ARMH3: variants seen among roughly 807,000 people sequenced by gnomAD.
ARMH3 encodes the protein armadillo like helical domain containing 3, also known as armadillo-like helical domain-containing protein 3.
ARMH3 carries 60 observed loss-of-function variants against 99.1 expected under a neutral mutation model. That is an observed-to-expected ratio of 0.61 (90% CI 0.49 to 0.75). The LOEUF is 0.75. Ranked by LOEUF, ARMH3 falls within the 30% of genes least tolerant of loss-of-function variation. The pLI is 0.00. For synonymous variants in ARMH3, 285 were observed against 292.8 expected (o/e 0.97, Z 0.27); for missense variants, 679 against 843.1 (o/e 0.81, Z 2.41).
At chr10:102,041,075 CATATATATATATATAATATATATATAT>C (rs199540605) in intron 1 of ARMH3, among the ~76,000 whole-genome samples, 40 of 132,008 alleles carry the variant, frequency 3.0e-4, no homozygotes, top group Middle Eastern at 4.1e-3. Flanking sequence ...ATTGTGTGTA[CATATATATATATATAATATATATATAT>C]ATATATATAT....
chr10:101,888,683 G>C (rs1008334774), intron 24 of ARMH3, among the ~76,000 whole-genome samples: 1 of 152,184 alleles, frequency 6.6e-6, no homozygotes, highest in African/African-American at 2.4e-5. Flanking sequence ...TCCAATTTGG[G>C]AGTAGGATGA....
rs534271280 is a variant in ARMH3 at position 101,917,494 on chromosome 10, C to T, written c.1781+22369G>A. On this transcript the variant is annotated intron_variant, in intron 23 of 25. Coordinates refer to ENST00000370033, the MANE Select transcript of ARMH3 (RefSeq NM_024541.3). ...TAGATGTACCATAGTTTATCTGTTC[C>T]GCCGTTGAGAGACACTTGGGTTGTC... Among the ~76,000 whole-genome samples the T allele has an allele frequency of 2.6e-4, 40 of 152,208 alleles. No individual in the cohort carries two copies. The Middle Eastern group carries it at 0.01, about 39-fold the overall frequency.
intron 16 of ARMH3, among the ~76,000 whole-genome samples, chr10:101,993,941 T>G (rs1846936022): frequency 6.6e-6 from 1 of 152,218 alleles, no homozygotes; most frequent in South Asian, 2.1e-4. Context: ...TGGCTCTGTT[T>G]GTGATAGTTT....
intron 22 of ARMH3, among the ~76,000 whole-genome samples, chr10:101,949,386 T>G (rs1388776837): frequency 1.3e-5 from 2 of 149,684 alleles, no homozygotes; most frequent in Middle Eastern, 3.5e-3. Context: ...ATTACCAATA[T>G]AGGGAATGAA....
intron 23 of ARMH3, among the ~76,000 whole-genome samples, chr10:101,936,267 G>A (rs1183566494): frequency 6.6e-6 from 1 of 152,030 alleles, no homozygotes; most frequent in Non-Finnish European, 1.5e-5. Flanking sequence ...GCCGAGGTGG[G>A]TGGATCACGA....
At chr10:101,901,356 G>A (rs185297931) in intron 23 of ARMH3, among the ~76,000 whole-genome samples, 1 of 152,050 alleles carries the variant, frequency 6.6e-6, no homozygotes, top group Admixed American at 6.5e-5. Flanking sequence ...ATCCCAGGGG[G>A]ACCTTTTAGA....
intron 23 of ARMH3, among the ~76,000 whole-genome samples, chr10:101,930,406 AAAGT>A (rs1316816853): frequency 2.6e-5 from 4 of 152,002 alleles, no homozygotes; most frequent in Non-Finnish European, 4.4e-5. Flanking sequence ...GGTTGGTGCA[AAAGT>A]AATAGCAGTT....
At chr10:102,050,792 G>A (rs1391528166) in intron 1 of ARMH3, among the ~76,000 whole-genome samples, 1 of 151,492 alleles carries the variant, frequency 6.6e-6, no homozygotes, top group Non-Finnish European at 1.5e-5. Flanking sequence ...GGGAGGTAGA[G>A]GTTGCGCTGA....
At chr10:101,931,082 A>G (rs1056175827) in intron 23 of ARMH3, among the ~76,000 whole-genome samples, 5 of 152,196 alleles carry the variant, frequency 3.3e-5, no homozygotes, top group African/African-American at 1.2e-4. Flanking sequence ...GCTATCTCTT[A>G]AACAGCAGAG....
intron 1 of ARMH3, among the ~76,000 whole-genome samples, chr10:102,044,091 CTTTTTTTTTTTTT>C (rs778226635): frequency 1.9e-5 from 2 of 104,174 alleles, no homozygotes; most frequent in Admixed American, 2.0e-4. Flanking sequence ...TAATTTTTTT[CTTTTTTTTTTTTT>C]TTTTTTGGAG....
intron 23 of ARMH3, among the ~76,000 whole-genome samples, chr10:101,935,915 G>A (rs1334903909): frequency 6.6e-6 from 1 of 152,144 alleles, no homozygotes; most frequent in Non-Finnish European, 1.5e-5. Flanking sequence ...ATAACCACAG[G>A]TCAGATTTTC....
At chr10:101,956,010 C>T (rs1314837780) in intron 22 of ARMH3, among the ~76,000 whole-genome samples, 1 of 152,060 alleles carries the variant, frequency 6.6e-6, no homozygotes, top group Non-Finnish European at 1.5e-5. Flanking sequence ...TTTCCTTAAC[C>T]TTTATACTAC....
At chr10:102,050,058 G>T (rs1170672341) in intron 1 of ARMH3, among the ~76,000 whole-genome samples, 1 of 151,950 alleles carries the variant, frequency 6.6e-6, no homozygotes, top group Non-Finnish European at 1.5e-5. Context: ...CACGAGAATC[G>T]CTTGAACCCG....
intron 2 of ARMH3, among the ~76,000 whole-genome samples, chr10:102,037,734 C>T (rs2067310762): frequency 6.6e-6 from 1 of 151,976 alleles, no homozygotes; most frequent in African/African-American, 2.4e-5. Context: ...CCTGGGACTA[C>T]AGATACATAC....
At chr10:101,941,286 G>A (rs1844230050) in intron 22 of ARMH3, among the ~76,000 whole-genome samples, 1 of 152,118 alleles carries the variant, frequency 6.6e-6, no homozygotes, top group Non-Finnish European at 1.5e-5. Context: ...TATATATAAA[G>A]CTCTTAGATT....
rs370693226 is a variant in ARMH3 at position 102,013,991 on chromosome 10, C to T, written c.703G>A (p.Val235Met). 4.3e-6 allele frequency: 7 copies of T among 1,611,374 alleles called. No individual in the cohort carries two copies. Among genetic ancestry groups the T allele is most frequent in the African/African-American group, 1.3e-5 (1 of 74,816 alleles). The change falls in exon 9 of 26, where the codon GTG (valine) becomes ATG (methionine). Residue 235 changes from valine (V) to methionine (M), a missense_variant. Physicochemically the swap from Val to Met is conservative, Grantham distance 21. Coordinates refer to ENST00000370033, the MANE Select transcript of ARMH3 (RefSeq NM_024541.3). ...VNPYIVKLSI[V>M]DDEATLNGMG... ...ACATTGAGTGTGGCCTCATCATCCA[C>T]GATAGACAGCTTCACAATATAAGGA...
chr10:101,868,415 C>G (rs2067055794), intron 24 of ARMH3, among the ~76,000 whole-genome samples: 1 of 152,140 alleles, frequency 6.6e-6, no homozygotes, highest in Non-Finnish European at 1.5e-5. Context: ...CAACATTTTT[C>G]AGAGAAATAA....
intron 15 of ARMH3, 39 bp from the exon 16 acceptor site, chr10:101,995,394 A>G: frequency 6.6e-7 from 1 of 1,506,388 alleles, no homozygotes. Flanking sequence ...TAAATCATCC[A>G]GATTTACATC....
In ARMH3 at chr10:102,041,072, G is replaced by A. The variant is rs1005518506; in HGVS notation, c.-11-947C>T. 4.1e-5 allele frequency among the ~76,000 whole-genome samples: 5 copies of A among 121,650 alleles called. No homozygotes were observed. In the East Asian group the frequency reaches 1.3e-3, roughly 31 times the overall value. 79.8% of individuals were successfully genotyped at this position (121,650 alleles called of 152,430 possible). A position where few individuals can be genotyped will look rare whatever the true frequency, so the allele number is the denominator to read the frequency against. On this transcript the variant is annotated intron_variant, in intron 1 of 25. Coordinates refer to ENST00000370033, the MANE Select transcript of ARMH3 (RefSeq NM_024541.3). ...ATACTACTTTCAAATTTAATTGTGT[G>A]TACATATATATATATATAATATATA...
Sources: gnomAD v4.1 joint callset for allele counts (sites outside exome capture counted in the v4.1 genomes callset) on GRCh38, gnomAD v4.1.1 for gene constraint, MANE v1.5 for transcripts, NCBI Gene and HGNC (gene_info 2026-07-23, HGNC 2026-07-21) for gene names.